Variants in CSMD1 observed in about 807,000 individuals in gnomAD.
CSMD1 encodes CUB and sushi domain-containing protein 1.
Under a neutral mutation model 417.5 loss-of-function variants are expected in CSMD1, and 213 were observed. The observed-to-expected ratio is 0.51, with a 90% CI of 0.46 to 0.57. CSMD1 has a LOEUF of 0.57. Ranked by LOEUF, CSMD1 falls within the 20% of genes least tolerant of loss-of-function variation. CSMD1 has a pLI of 0.00. For missense variants in CSMD1, 6,923 were observed against 4,529.7 expected, an observed-to-expected ratio of 1.53 and a Z score of -15.17; for synonymous variants, 2,862 against 1,736.8, an observed-to-expected ratio of 1.65 and a Z score of -16.11.
rs559311445 is a variant in CSMD1 at position 4,020,165 on chromosome 8, A to G, written c.610+11740T>C. On this transcript the variant is annotated intron_variant, in intron 4 of 69. Transcript: ENST00000635120. ...TGGGTTATGCCATTTAATCTTTACA[A>G]CAGATTTCTCAAGTAGGCACTTTTA... is the stretch of plus-strand genomic sequence containing the variant. Among the ~76,000 whole-genome samples, 11 of 152,218 alleles carry G rather than the reference A, an allele frequency of 7.2e-5. No individual in the cohort carries two copies. The South Asian group carries it at 1.0e-3, about 14-fold the overall frequency.
At chr8:4,256,693 G>T (rs1420391818) in intron 3 of CSMD1, among the ~76,000 whole-genome samples, 2 of 150,822 alleles carry the variant, frequency 1.3e-5, no homozygotes, top group Non-Finnish European at 2.9e-5. Context: ...CCAGCAGATG[G>T]GCCGGGCGTG....
intron 50 of CSMD1, among the ~76,000 whole-genome samples, chr8:3,044,753 C>T (rs981409924): frequency 6.6e-6 from 1 of 152,114 alleles, no homozygotes; most frequent in Non-Finnish European, 1.5e-5. Flanking sequence ...GAGGGTGAAA[C>T]GAACTAATTG....
intron 5 of CSMD1, among the ~76,000 whole-genome samples, chr8:3,843,936 G>T (rs771327725): frequency 6.6e-5 from 10 of 152,270 alleles, no homozygotes; most frequent in Non-Finnish European, 1.3e-4. Flanking sequence ...TGCGCACAAG[G>T]TTATCTGAGA....
At chr8:4,119,047 C>T (rs1318528250) in intron 3 of CSMD1, among the ~76,000 whole-genome samples, 15 of 152,040 alleles carry the variant, frequency 9.9e-5, no homozygotes, top group Admixed American at 2.6e-4. Flanking sequence ...ATAATGAGAA[C>T]ACACGGACAC....
intron 2 of CSMD1, among the ~76,000 whole-genome samples, chr8:4,491,328 G>A (rs1801688115): frequency 6.6e-6 from 1 of 152,124 alleles, no homozygotes; most frequent in African/African-American, 2.4e-5. Context: ...ATCTGGAAGG[G>A]GACAAGTCTG....
At chr8:4,113,749 C>G (rs561150770) in intron 3 of CSMD1, among the ~76,000 whole-genome samples, 4 of 152,244 alleles carry the variant, frequency 2.6e-5, no homozygotes, top group African/African-American at 7.2e-5. Context: ...ATGAAACAGC[C>G]TTATTGGTGA....
chr8:4,893,931 G>A (rs971875981), intron 1 of CSMD1, among the ~76,000 whole-genome samples: 1 of 151,968 alleles, frequency 6.6e-6, no homozygotes, highest in African/African-American at 2.4e-5. Flanking sequence ...GCAAAATGTT[G>A]GTTTAAATGT....
At position 3,485,538 on chromosome 8, in the gene CSMD1, C is replaced by CACACACACACACAG. The variant is rs376214281; in HGVS notation, c.1448+8084_1448+8085insCTGTGTGTGTGTGT. The stretch of plus-strand genomic sequence containing the variant: ...AACTTCATAACAATACACACACACA[C>CACACACACACACAG]AGAGAGAGAGAGAGAGAGAGAGAGA... On this transcript the variant is annotated intron_variant, in intron 11 of 69. Transcript: ENST00000635120. 2.0e-3 allele frequency among the ~76,000 whole-genome samples: 274 copies of CACACACACACACAG among 135,008 alleles called. 1 individual carries two copies. The highest frequency in any genetic ancestry group is 2.1e-3 in the Non-Finnish European group (138 of 65,132). The allele number at this position is 135,008 out of a possible 152,430, so 88.6% of individuals were successfully genotyped here. A position where few individuals can be genotyped will look rare whatever the true frequency, so the allele number is the denominator to read the frequency against.
At chr8:4,080,431 A>G (rs763139913) in intron 3 of CSMD1, among the ~76,000 whole-genome samples, 2 of 152,222 alleles carry the variant, frequency 1.3e-5, no homozygotes, top group South Asian at 2.1e-4. Context: ...ATGCCATTAC[A>G]TACATTATCC....
intron 3 of CSMD1, 94 bp downstream of exon 3, chr8:4,419,859 C>G: frequency 1.2e-6 from 1 of 867,922 alleles, no homozygotes; most frequent in Non-Finnish European, 1.9e-6. Context: ...CGACCTGCGA[C>G]ATAGCAGCCT....
At chr8:4,897,174 G>A (rs969328170) in intron 1 of CSMD1, among the ~76,000 whole-genome samples, 1 of 152,072 alleles carries the variant, frequency 6.6e-6, no homozygotes, top group African/African-American at 2.4e-5. Flanking sequence ...TGCAGAAGAG[G>A]AAGCTGTGCA....
chr8:3,523,994 GAC>G (rs202073019), intron 10 of CSMD1, among the ~76,000 whole-genome samples: 1,587 of 123,974 alleles, frequency 0.013, 27 homozygotes, highest in African/African-American at 0.046. Context: ...CACACCCAGA[GAC>G]ACATATGCAC....
chr8:4,916,541 G>C (rs2117117598), intron 1 of CSMD1, among the ~76,000 whole-genome samples: 1 of 152,288 alleles, frequency 6.6e-6, no homozygotes, highest in South Asian at 2.1e-4. Context: ...TTTAGAATGA[G>C]AAAATGCACG....
At chr8:3,389,308 C>T (rs1337837317) in intron 17 of CSMD1, among the ~76,000 whole-genome samples, 1 of 152,074 alleles carries the variant, frequency 6.6e-6, no homozygotes, top group Non-Finnish European at 1.5e-5. Context: ...GTGTTGTTCC[C>T]TCTATGTGTC....
chr8:3,179,220 C>T (rs1220161142), intron 37 of CSMD1, among the ~76,000 whole-genome samples: 2 of 152,044 alleles, frequency 1.3e-5, no homozygotes, highest in South Asian at 2.1e-4. Flanking sequence ...GCTGGGATTA[C>T]AGGCGTGAGC....
intron 1 of CSMD1, among the ~76,000 whole-genome samples, chr8:4,783,232 T>C (rs1797240150): frequency 6.6e-6 from 1 of 152,186 alleles, no homozygotes; most frequent in Non-Finnish European, 1.5e-5. Context: ...TCGTGAAACA[T>C]ATCATGATGT....
intron 1 of CSMD1, among the ~76,000 whole-genome samples, chr8:4,988,458 G>A (rs1176372839): frequency 1.3e-5 from 2 of 152,286 alleles, no homozygotes; most frequent in African/African-American, 4.8e-5. Context: ...AAATATGCCT[G>A]CATGATCTTT....
At chr8:4,619,651 T>C (rs966700636) in intron 2 of CSMD1, among the ~76,000 whole-genome samples, 1 of 152,140 alleles carries the variant, frequency 6.6e-6, no homozygotes, top group African/African-American at 2.4e-5. Context: ...TGGGACGTCA[T>C]ATTTTTATTG....
intron 1 of CSMD1, among the ~76,000 whole-genome samples, chr8:4,968,792 A>G (rs944627217): frequency 8.5e-5 from 13 of 152,138 alleles, no homozygotes; most frequent in Non-Finnish European, 1.3e-4. Flanking sequence ...TAAAAAAAGG[A>G]AAGTCTGGCA....
Sources: allele counts gnomAD v4.1 joint callset (sites outside exome capture counted in the v4.1 genomes callset), GRCh38; gene constraint gnomAD v4.1.1; transcripts MANE v1.5; gene names NCBI Gene and HGNC (gene_info 2026-07-23, HGNC 2026-07-21).